Variants in CTCFL observed in about 807,000 individuals in gnomAD.
CTCFL encodes the protein CCCTC-binding factor like.
A neutral mutation model predicts 67.4 loss-of-function variants in CTCFL; 36 were observed. That is an observed-to-expected ratio of 0.53 (90% CI 0.41 to 0.71). The LOEUF is 0.71. CTCFL is among the 30% of genes least tolerant of loss of function. The pLI is 0.00. For missense variants in CTCFL, 786 were observed against 835.2 expected, an observed-to-expected ratio of 0.94 and a Z score of 0.73; for synonymous variants, 324 against 302.3, an observed-to-expected ratio of 1.07 and a Z score of -0.75.
chr20:57,514,041 C>T lies in CTCFL; in HGVS notation c.1330+551G>A, dbSNP rs182328558. Among the ~76,000 whole-genome samples, 3 of 152,344 alleles carry T rather than the reference C, an allele frequency of 2.0e-5. No individual in the cohort carries two copies. The East Asian group carries it at 5.8e-4, about 29-fold the overall frequency. On this transcript the variant is annotated intron_variant, in intron 7 of 10. Coordinates refer to ENST00000243914, the MANE Select transcript of CTCFL (RefSeq NM_001386993.1). The stretch of plus-strand genomic sequence containing the variant: ...TCTGTGGGGTGTGACAGTTAAAAGG[C>T]TCACCGTGGTAGATGCGGATTACAC...
chr20:57,518,456 T>G, intron 5 of CTCFL: 1 of 1,258,884 alleles, frequency 7.9e-7, no homozygotes, highest in Non-Finnish European at 1.1e-6. Flanking sequence ...TGGCCCAGAG[T>G]ACTAGATAAA....
chr20:57,497,328 C>T lies in CTCFL; in HGVS notation c.*1222G>A. The T allele has an allele frequency of 1.0e-6, 1 of 985,222 alleles. No homozygotes were observed. The highest frequency in any genetic ancestry group is 1.2e-6 in the Non-Finnish European group (1 of 829,802). 61.0% of individuals were successfully genotyped at this position (985,222 alleles called of 1,614,324 possible). On this transcript the variant is annotated 3_prime_UTR_variant, in exon 11 of 11. Coordinates refer to ENST00000243914, the MANE Select transcript of CTCFL (RefSeq NM_001386993.1). ...GTTGAGTTAAATTAATTTGCTGGTA[C>T]AAAGAGAATATAATGCTCTTCCTGC...
intron 9 of CTCFL, among the ~76,000 whole-genome samples, chr20:57,506,076 C>T (rs56086409): frequency 0.057 from 8,615 of 152,224 alleles, 286 homozygotes; most frequent in Middle Eastern, 0.14. Context: ...AAACGACAAC[C>T]AGTGGGTCAA....
chr20:57,523,221 A>T lies in CTCFL; in HGVS notation c.601T>A (p.Phe201Ile). ...LLAERTKEQL[F>I]FVETMSGDER... ...TCTCCTGACATTGTTTCCACAAAAAAGAGCTGCTCCTTTGTTCTTTCAGCC... is the reference window on the plus strand; with the variant it reads ...TCTCCTGACATTGTTTCCACAAAAATGAGCTGCTCCTTTGTTCTTTCAGCC... The change falls in exon 3 of 11, where the codon TTT becomes ATT. Residue 201 changes from phenylalanine to isoleucine, a missense_variant. By Grantham distance (21) the Phe-to-Ile change is conservative (BLOSUM62 0). Transcript: ENST00000243914. 6.2e-7 allele frequency: 1 copy of T among 1,614,064 alleles called. No homozygotes were observed. Among genetic ancestry groups the T allele is most frequent in the South Asian group, 1.1e-5 (1 of 91,082 alleles).
intron 6 of CTCFL, 51 bp downstream of exon 6, chr20:57,515,663 C>A: frequency 6.2e-7 from 1 of 1,611,156 alleles, no homozygotes; most frequent in Non-Finnish European, 8.5e-7. Flanking sequence ...TTAAAGCTTG[C>A]TTTAAGAGTT....
intron 1 of CTCFL, 127 bp from the exon 2 acceptor site, chr20:57,524,343 G>A (rs1268435849): frequency 2.7e-6 from 4 of 1,490,328 alleles, no homozygotes; most frequent in Non-Finnish European, 3.5e-6. Context: ...AAAGGTTTTG[G>A]ACTTAGTAGG....
intron 5 of CTCFL, 137 bp downstream of exon 5, chr20:57,518,621 T>C: frequency 6.4e-7 from 1 of 1,554,222 alleles, no homozygotes; most frequent in Non-Finnish European, 8.8e-7. Flanking sequence ...AGAATGCATA[T>C]TATTTCCTGC....
Position 57,523,821 on chromosome 20 carries a change from TCTGCCGGGGCC to T in CTCFL, c.374_384del (p.Gly125GlufsTer9). On this transcript the variant is annotated frameshift_variant, in exon 2 of 11. Transcript: ENST00000243914. LOFTEE classifies it high-confidence loss of function. The stretch of plus-strand genomic sequence containing the variant: ...CTAATGGCCACACACTGCTGCAGGC[TCTGCCGGGGCC>T]CTTCCTCAAGCCACAGCAACCCAGG... 1.9e-6 allele frequency: 3 copies of T among 1,613,072 alleles called. No homozygotes were observed. The highest frequency in any genetic ancestry group is 2.5e-6 in the Non-Finnish European group (3 of 1,180,036).
chr20:57,524,466 C>G, intron 1 of CTCFL: 1 of 1,311,132 alleles, frequency 7.6e-7, no homozygotes, highest in Non-Finnish European at 9.7e-7. Context: ...TGGGCCTCAG[C>G]AGGCTTAGGG....
Position 57,497,298 on chromosome 20 carries a change from T to C in CTCFL, c.*1252A>G, listed in dbSNP as rs1215138918. The stretch of plus-strand genomic sequence containing the variant: ...TACAGCCCACAGAATTTAAATCTCA[T>C]GTGAGTTGAGTTAAATTAATTTGCT... On this transcript the variant is annotated 3_prime_UTR_variant, in exon 11 of 11. Coordinates refer to ENST00000243914, the MANE Select transcript of CTCFL (RefSeq NM_001386993.1). 1.0e-6 allele frequency: 1 copy of C among 984,964 alleles called. No homozygotes were observed. The allele number at this position is 984,964 out of a possible 1,614,324, so 61.0% of individuals were successfully genotyped here.
rs1444888815 is a variant in CTCFL at position 57,523,944 on chromosome 20, T to G, written c.262A>C (p.Thr88Pro). ...TCCTGCAACTCCACAGCTTCAGAAG[T>G]GAAGTGCACCGTCTGCAGGGTCAGG... ...YILTLQTVHF[T>P]SEAVELQDMS... Residue 88 changes from threonine to proline, a missense_variant, in exon 2 of 11, where the codon ACT (threonine) becomes CCT (proline). Physicochemically the swap from Thr to Pro is conservative, Grantham distance 38 (BLOSUM62 -1). Coordinates refer to ENST00000243914, the MANE Select transcript of CTCFL (RefSeq NM_001386993.1). 6.2e-7 allele frequency: 1 copy of G among 1,613,090 alleles called. No individual in the cohort carries two copies. The highest frequency in any genetic ancestry group is 8.5e-7 in the Non-Finnish European group (1 of 1,180,000).
chr20:57,524,472 T>G, intron 1 of CTCFL: 11 of 1,287,028 alleles, frequency 8.5e-6, no homozygotes, highest in Non-Finnish European at 1.1e-5. Flanking sequence ...TCAGCAGGCT[T>G]AGGGCCAGCA....
chr20:57,512,495 T>C (rs1308214750), intron 8 of CTCFL, 97 bp downstream of exon 8: 30 of 1,244,558 alleles, frequency 2.4e-5, no homozygotes, highest in Admixed American at 6.3e-5. Context: ...ATTAAAAGCA[T>C]GACTTTTCTC....
At chr20:57,498,949 C>G (rs1212817389) in intron 10 of CTCFL, among the ~76,000 whole-genome samples, 1 of 151,930 alleles carries the variant, frequency 6.6e-6, no homozygotes, top group African/African-American at 2.4e-5. Flanking sequence ...GGGCGCTGTT[C>G]TGGGCACTGT....
At chr20:57,503,662 G>A in intron 9 of CTCFL, 61 bp from the exon 10 acceptor site, 1 of 1,533,530 alleles carries the variant, frequency 6.5e-7, no homozygotes, top group South Asian at 1.2e-5. Context: ...ACCCCTCTCA[G>A]GGGCCTGTGG....
chr20:57,521,462 G>A (rs2069355857), intron 3 of CTCFL, among the ~76,000 whole-genome samples: 1 of 152,252 alleles, frequency 6.6e-6, no homozygotes, highest in Non-Finnish European at 1.5e-5. Context: ...AACACACACT[G>A]CTGGTGCAAA....
intron 9 of CTCFL, chr20:57,507,091 TG>T: frequency 1.0e-6 from 1 of 979,762 alleles, no homozygotes; most frequent in Non-Finnish European, 1.2e-6. Flanking sequence ...GGTTTTTAAA[TG>T]TCCTGAAATT....
Position 57,503,570 on chromosome 20 carries a change from C to G in CTCFL, c.1706G>C (p.Gly569Ala). 5 of 1,614,184 alleles carry G rather than the reference C, an allele frequency of 3.1e-6. No homozygotes were observed. Among genetic ancestry groups the G allele is most frequent in the Non-Finnish European group, 4.2e-6 (5 of 1,180,028 alleles). ...INLHRHSEKCGSGEAKSAASG... is the reference protein window; with the variant it reads ...INLHRHSEKCASGEAKSAASG... ...AGCAGCCGACTTTGCTTCCCCTGAT[C>G]CACACTTCTCCGAATGTCTGTGCAG... The change falls in exon 10 of 11, where the codon GGA becomes GCA. Residue 569 changes from glycine to alanine, a missense_variant. Gly to Ala is a moderately conservative substitution (Grantham distance 60). Coordinates refer to ENST00000243914, the MANE Select transcript of CTCFL (RefSeq NM_001386993.1).
intron 10 of CTCFL, among the ~76,000 whole-genome samples, chr20:57,502,786 G>A (rs1014454694): frequency 2.6e-5 from 4 of 152,214 alleles, no homozygotes; most frequent in Non-Finnish European, 4.4e-5. Context: ...ATGGCTGTGG[G>A]GGCTGAATGG....
Sources: gnomAD v4.1 joint callset for allele counts (sites outside exome capture counted in the v4.1 genomes callset) on GRCh38, gnomAD v4.1.1 for gene constraint, MANE v1.5 for transcripts, NCBI Gene and HGNC (gene_info 2026-07-23, HGNC 2026-07-21) for gene names.